Variants in DYRK1A observed in about 807,000 individuals in gnomAD.
The protein encoded by DYRK1A is dual specificity tyrosine phosphorylation regulated kinase 1A.
In DYRK1A, 9 loss-of-function variants were observed where a neutral mutation model predicts 79.7. The observed-to-expected ratio is 0.11, with a 90% CI of 0.07 to 0.20. The LOEUF is 0.20. DYRK1A is among the 10% of genes least tolerant of loss of function. DYRK1A has a pLI of 1.00. For missense variants in DYRK1A, 622 were observed against 956.0 expected (o/e 0.65, Z 4.61); for synonymous variants, 349 against 329.7 (o/e 1.06, Z -0.63).
chr21:37,368,421 C>T (rs915343038), intron 1 of DYRK1A, among the ~76,000 whole-genome samples: 2 of 152,224 alleles, frequency 1.3e-5, no homozygotes, highest in African/African-American at 4.8e-5. Context: ...CCTCCCTAAT[C>T]TGAAATAGTT....
chr21:37,375,383 C>T (rs2049516489), intron 1 of DYRK1A, among the ~76,000 whole-genome samples: 1 of 152,178 alleles, frequency 6.6e-6, no homozygotes, highest in South Asian at 2.1e-4. Flanking sequence ...AAAGGTAGTT[C>T]TTGTCCTCAA....
intron 2 of DYRK1A, among the ~76,000 whole-genome samples, chr21:37,462,049 C>G (rs2051857550): frequency 6.6e-6 from 1 of 151,954 alleles, no homozygotes; most frequent in Admixed American, 6.6e-5. Flanking sequence ...TTCTATTTCT[C>G]TATTAAGATT....
chr21:37,497,450 A>G (rs1235831874), intron 9 of DYRK1A, among the ~76,000 whole-genome samples: 9 of 152,106 alleles, frequency 5.9e-5, no homozygotes, highest in African/African-American at 9.7e-5. Flanking sequence ...CTTTACCCAC[A>G]TAGCTCATTA....
intron 7 of DYRK1A, among the ~76,000 whole-genome samples, chr21:37,491,152 G>T (rs1248817223): frequency 6.6e-6 from 1 of 151,888 alleles, no homozygotes; most frequent in Non-Finnish European, 1.5e-5. Flanking sequence ...TATCCAAGCT[G>T]GTTTTTTTCA....
chr21:37,388,728 T>C (rs1224446365), intron 1 of DYRK1A, among the ~76,000 whole-genome samples: 3 of 150,440 alleles, frequency 2.0e-5, no homozygotes, highest in Non-Finnish European at 3.0e-5. Flanking sequence ...CACTGCAAGC[T>C]CTGCCTCCTG....
intron 2 of DYRK1A, among the ~76,000 whole-genome samples, chr21:37,442,185 AG>A (rs1264494678): frequency 6.6e-6 from 1 of 151,644 alleles, no homozygotes; most frequent in Non-Finnish European, 1.5e-5. Flanking sequence ...TACGTACCTT[AG>A]TTTAGTTTTC....
At position 37,472,684 on chromosome 21, in the gene DYRK1A, G is replaced by A; in HGVS notation, c.11G>A (p.Gly4Glu). MHT[G>E]GETSACKPSS... is the part of the protein sequence containing the mutation. ...TTAAACCTCACTTATCTTCTTGTAG[G>A]AGGAGAGACTTCAGCATGCAAACCT... The change falls in exon 3 of 12, where the codon GGA becomes GAA. Residue 4 changes from glycine to glutamate, a missense_variant and splice_region_variant. Physicochemically the swap from Gly to Glu is moderately conservative, Grantham distance 98. Around this residue, in one of 5 missense-constraint regions of DYRK1A, gnomAD observed 91 missense variants for 113.8 expected, o/e 0.80. Coordinates refer to ENST00000647188, the MANE Select transcript of DYRK1A (RefSeq NM_001347721.2). 4.4e-6 allele frequency: 7 copies of A among 1,579,752 alleles called. No individual in the cohort carries two copies. The highest frequency in any genetic ancestry group is 6.0e-6 in the Non-Finnish European group (7 of 1,157,462).
chr21:37,412,533 C>T lies in DYRK1A; in HGVS notation c.-76-7766C>T, dbSNP rs1055953245. Among the ~76,000 whole-genome samples, 7 of 152,028 alleles carry T rather than the reference C, an allele frequency of 4.6e-5. No homozygotes were observed. The East Asian group carries it at 1.3e-3, about 29-fold the overall frequency. On this transcript the variant is annotated intron_variant, in intron 1 of 11. Coordinates refer to ENST00000647188, the MANE Select transcript of DYRK1A (RefSeq NM_001347721.2). The stretch of plus-strand genomic sequence containing the variant: ...GTCTGATGTAGTTTAGGGAACCTGC[C>T]CTAGAGTTTATGACATAACCATCAG...
intron 4 of DYRK1A, among the ~76,000 whole-genome samples, chr21:37,480,309 A>G (rs536569181): frequency 2.0e-5 from 3 of 152,314 alleles, no homozygotes; most frequent in South Asian, 2.1e-4. Flanking sequence ...ACTTTTGTCA[A>G]AATTCCTCAT....
In DYRK1A at chr21:37,517,382, C is replaced by T. The variant is rs759815893; in HGVS notation, c.*4851C>T. On this transcript the variant is annotated 3_prime_UTR_variant, in exon 12 of 12. Transcript: ENST00000647188. Reference sequence around the variant, plus strand: ...GAGAAAGGCCGTGTAGGTATAAGTGCTTAATGTTTCATCTGTCTGAAAGAC... The same window carrying T: ...GAGAAAGGCCGTGTAGGTATAAGTGTTTAATGTTTCATCTGTCTGAAAGAC... 6.6e-6 allele frequency: 1 copy of T among 152,158 alleles called. No homozygotes were observed. Among genetic ancestry groups the T allele is most frequent in the Non-Finnish European group, 1.5e-5 (1 of 68,028 alleles). The allele number at this position is 152,158 out of a possible 1,614,324, so 9.4% of individuals were successfully genotyped here. A position where few individuals can be genotyped will look rare whatever the true frequency, so the allele number is the denominator to read the frequency against.
intron 11 of DYRK1A, among the ~76,000 whole-genome samples, chr21:37,507,047 C>A (rs966955392): frequency 2.0e-5 from 3 of 148,528 alleles, no homozygotes; most frequent in Non-Finnish European, 4.5e-5. Flanking sequence ...TAGTTTCAAA[C>A]TTTTCTACTC....
intron 1 of DYRK1A, among the ~76,000 whole-genome samples, chr21:37,386,831 A>G (rs1441540743): frequency 1.3e-5 from 2 of 152,140 alleles, no homozygotes; most frequent in African/African-American, 2.4e-5. Context: ...CAGTGTCAGG[A>G]GTTGGATTCA....
At chr21:37,467,159 C>T (rs1241930862) in intron 2 of DYRK1A, among the ~76,000 whole-genome samples, 3 of 151,838 alleles carry the variant, frequency 2.0e-5, no homozygotes, top group Non-Finnish European at 4.4e-5. Flanking sequence ...AAGCAAAACT[C>T]CTGGTCCAGA....
intron 2 of DYRK1A, among the ~76,000 whole-genome samples, chr21:37,443,128 A>G (rs57932248): frequency 0.053 from 7,996 of 151,998 alleles, 745 homozygotes; most frequent in African/African-American, 0.18. Flanking sequence ...GCAACCATAG[A>G]CCAGGGTAGG....
Position 37,519,748 on chromosome 21 carries a change from T to TTTTTTTTTTTTTTTTTG in DYRK1A, c.*7228_*7229insTTTTTGTTTTTTTTTTT, listed in dbSNP as rs2053919029. On this transcript the variant is annotated 3_prime_UTR_variant, in exon 12 of 12. Transcript: ENST00000647188. ...TTTGTTGTGGGAAGTTTTTTTTTTT[T>TTTTTTTTTTTTTTTTTG]TTTTTTTTTTTGAGGCGGAGTCTCG... 3.2e-5 allele frequency: 4 copies of TTTTTTTTTTTTTTTTTG among 126,718 alleles called. No individual in the cohort carries two copies. Among genetic ancestry groups the TTTTTTTTTTTTTTTTTG allele is most frequent in the African/African-American group, 1.5e-4 (4 of 27,306 alleles). 7.8% of individuals were successfully genotyped at this position (126,718 alleles called of 1,614,324 possible). A position where few individuals can be genotyped will look rare whatever the true frequency, so the allele number is the denominator to read the frequency against.
Position 37,420,391 on chromosome 21 carries a change from C to G in DYRK1A, c.10+7C>G. 6.2e-7 allele frequency: 1 copy of G among 1,611,472 alleles called. No individual in the cohort carries two copies. Among genetic ancestry groups the G allele is most frequent in the Non-Finnish European group, 8.5e-7 (1 of 1,178,418 alleles). On this transcript the variant is annotated splice_region_variant and intron_variant, in intron 2 of 11. Transcript: ENST00000647188. ...AAGAAGACGATGCATACAGGTGACT[C>G]AAGTTTTGAAATACAGTAAAACTCT...
At chr21:37,404,955 G>T (rs2050121359) in intron 1 of DYRK1A, among the ~76,000 whole-genome samples, 1 of 152,122 alleles carries the variant, frequency 6.6e-6, no homozygotes, top group South Asian at 2.1e-4. Flanking sequence ...TTCAGTATAA[G>T]CAAGTATCCA....
rs1490170312 is a variant in DYRK1A at position 37,517,039 on chromosome 21, C to T, written c.*4508C>T. The T allele has an allele frequency of 6.6e-6, 1 of 152,096 alleles. No individual in the cohort carries two copies. The highest frequency in any genetic ancestry group is 1.5e-5 in the Non-Finnish European group (1 of 68,028). The allele number at this position is 152,096 out of a possible 1,614,324, so 9.4% of individuals were successfully genotyped here. ...TAAATTTCCATTTCAGTTGAATTTC[C>T]TGTCATCCCCAGCAAAACCTGTGAA... is the stretch of plus-strand genomic sequence containing the variant. On this transcript the variant is annotated 3_prime_UTR_variant, in exon 12 of 12. Coordinates refer to ENST00000647188, the MANE Select transcript of DYRK1A (RefSeq NM_001347721.2).
rs1428932095 is a variant in DYRK1A, at chr21:37,495,645, C to T, written c.1072-473C>T. ...AGACTCCATCTAAAAAACAAATAGC[C>T]GGGCATGGTGGTACATGCCTGTAGT... On this transcript the variant is annotated intron_variant, in intron 8 of 11. Transcript: ENST00000647188. Among the ~76,000 whole-genome samples, 10 of 151,824 alleles carry T rather than the reference C, an allele frequency of 6.6e-5. No homozygotes were observed. In the East Asian group the frequency reaches 1.2e-3, roughly 18 times the overall value.
Sources: allele counts gnomAD v4.1 joint callset (sites outside exome capture counted in the v4.1 genomes callset), GRCh38; gene constraint gnomAD v4.1.1; regional missense constraint gnomAD v4.1.1; transcripts MANE v1.5; gene names NCBI Gene and HGNC (gene_info 2026-07-23, HGNC 2026-07-21).